Variants in TDRD12 observed in about 807,000 individuals in gnomAD.
The protein encoded by TDRD12 is tudor domain containing 12.
Under a neutral mutation model 133.5 loss-of-function variants are expected in TDRD12, and 158 were observed. That is an observed-to-expected ratio of 1.18 (90% CI 1.04 to 1.35). TDRD12 has a LOEUF of 1.35. Ranked by LOEUF, TDRD12 falls within the 40% of genes most tolerant of loss-of-function variation. The probability of loss-of-function intolerance (pLI) is 0.00; values close to 1 mark genes in which losing one functional copy is unlikely to be tolerated. For missense variants in TDRD12, 1,443 were observed against 1,321.3 expected (o/e 1.09, Z -1.43); for synonymous variants, 460 against 477.9 (o/e 0.96, Z 0.49).
chr19:32,807,267 T>TAAAAA lies in TDRD12; in HGVS notation c.2553-257_2553-253dup, dbSNP rs59421213. On this transcript the variant is annotated intron_variant, in intron 21 of 27. Transcript: ENST00000444215. ...GGGCAACAGAGTGAGACCAAACTCTTAAAAAAAAAAAAAAAAAAAAAAAAA... is the reference window on the plus strand; with the variant it reads ...GGGCAACAGAGTGAGACCAAACTCTTAAAAAAAAAAAAAAAAAAAAAAAAAAAAAA... 6.3e-3 allele frequency among the ~76,000 whole-genome samples: 295 copies of TAAAAA among 47,144 alleles called. 17 individuals carry two copies. The highest frequency in any genetic ancestry group is 0.014 in the African/African-American group (114 of 7,958). 30.9% of individuals were successfully genotyped at this position (47,144 alleles called of 152,430 possible). A position where few individuals can be genotyped will look rare whatever the true frequency, so the allele number is the denominator to read the frequency against.
At chr19:32,788,658 T>C (rs1195907280) in intron 11 of TDRD12, among the ~76,000 whole-genome samples, 3 of 152,110 alleles carry the variant, frequency 2.0e-5, no homozygotes, top group Admixed American at 1.3e-4. Flanking sequence ...GCAGGGTGCA[T>C]TACTCGGTTT....
intron 27 of TDRD12, 103 bp from the exon 28 acceptor site, chr19:32,820,930 C>T (rs932912537): frequency 2.2e-6 from 2 of 890,402 alleles, no homozygotes; most frequent in Non-Finnish European, 1.7e-6. Context: ...GGGTCTGACT[C>T]CACGGCCACA....
At chr19:32,733,569 A>C (rs752031313) in intron 2 of TDRD12, among the ~76,000 whole-genome samples, 1 of 152,114 alleles carries the variant, frequency 6.6e-6, no homozygotes, top group Non-Finnish European at 1.5e-5. Flanking sequence ...GAATAGGTGT[A>C]CTGTGAACTT....
intron 6 of TDRD12, among the ~76,000 whole-genome samples, chr19:32,753,362 T>TA (rs1357551709): frequency 2.6e-5 from 4 of 152,166 alleles, no homozygotes; most frequent in African/African-American, 9.7e-5. Context: ...CCCTCTCCTT[T>TA]CCTTATTTAT....
Position 32,761,130 on chromosome 19 carries a change from T to C in TDRD12, c.865+4000T>C, listed in dbSNP as rs10415149. On this transcript the variant is annotated intron_variant, in intron 8 of 27. Transcript: ENST00000444215. ...CGTTTCTTGTTTTTGTTTTGTTTAG[T>C]TTTTGAGACGGAGTCTCACTCTGTC... Among the ~76,000 whole-genome samples the C allele has an allele frequency of 5.1e-3, 776 of 152,272 alleles. 9 individuals are homozygous for C. The highest frequency in any genetic ancestry group is 0.018 in the African/African-American group (730 of 41,562).
chr19:32,742,754 T>G, intron 3 of TDRD12, 27 bp from the exon 4 acceptor site: 1 of 1,547,736 alleles, frequency 6.5e-7, no homozygotes, highest in East Asian at 2.4e-5. Context: ...TTCTATATAA[T>G]GGAGCTGTTT....
intron 6 of TDRD12, among the ~76,000 whole-genome samples, chr19:32,752,923 G>A (rs2145530790): frequency 6.6e-6 from 1 of 151,648 alleles, no homozygotes; most frequent in South Asian, 2.1e-4. Context: ...CTCCCGAGTA[G>A]CTGGGACTAC....
At chr19:32,794,233 G>A (rs1971156717) in intron 13 of TDRD12, among the ~76,000 whole-genome samples, 1 of 150,712 alleles carries the variant, frequency 6.6e-6, no homozygotes, top group Non-Finnish European at 1.5e-5. Flanking sequence ...AGCCTCCAGA[G>A]TAGCTGGGAT....
At position 32,732,941 on chromosome 19, in the gene TDRD12, G is replaced by A. The variant is rs1358355973; in HGVS notation, c.183+1058G>A. On this transcript the variant is annotated intron_variant, in intron 2 of 27. Transcript: ENST00000444215. ...TAATCCCAGCACTTTGGGAGGCCAA[G>A]GAAAGAAGATTGCTTGAGCCTAGGA... Among the ~76,000 whole-genome samples the A allele has an allele frequency of 7.2e-4, 110 of 152,318 alleles. 1 individual carries two copies. Among genetic ancestry groups the A allele is most frequent in the Non-Finnish European group, 7.3e-5 (5 of 68,030 alleles).
exon 7 of TDRD12, chr19:32,756,088 A>T (rs200321834): frequency 3.6e-5 from 54 of 1,482,764 alleles, no homozygotes; most frequent in Non-Finnish European, 4.7e-5. Context: ...ACCAAGATTG[A>T]ATATAAAATC....
At chr19:32,792,565 TAGG>T (rs1407310608) in intron 13 of TDRD12, among the ~76,000 whole-genome samples, 1 of 151,802 alleles carries the variant, frequency 6.6e-6, no homozygotes, top group Non-Finnish European at 1.5e-5. Flanking sequence ...GAGACGGAAA[TAGG>T]AGGAAAAATT....
At chr19:32,732,940 A>G (rs1969103887) in intron 2 of TDRD12, among the ~76,000 whole-genome samples, 1 of 152,178 alleles carries the variant, frequency 6.6e-6, no homozygotes, top group South Asian at 2.1e-4. Context: ...TGGGAGGCCA[A>G]GGAAAGAAGA....
chr19:32,744,755 GA>G (rs1440752343), intron 4 of TDRD12, among the ~76,000 whole-genome samples: 1 of 152,018 alleles, frequency 6.6e-6, no homozygotes, highest in Admixed American at 6.6e-5. Flanking sequence ...GTGGTCTGTA[GA>G]GACATCAGCC....
chr19:32,815,379 G>T (rs1967142349), intron 25 of TDRD12, 69 bp from the exon 26 acceptor site: 2 of 1,326,848 alleles, frequency 1.5e-6, no homozygotes, highest in Non-Finnish European at 2.0e-6. Flanking sequence ...AGGCCCTGTG[G>T]GAATGTCTAT....
chr19:32,734,958 G>GATAGTGAATTTTATCA (rs1280850812), intron 2 of TDRD12, among the ~76,000 whole-genome samples: 1 of 152,184 alleles, frequency 6.6e-6, no homozygotes, highest in Non-Finnish European at 1.5e-5. Context: ...ACCCATGTAA[G>GATAGTGAATTTTATCA]ATAGTGAATT....
In TDRD12 at chr19:32,766,138, G is replaced by A. The variant is rs181957787; in HGVS notation, c.866-6615G>A. On this transcript the variant is annotated intron_variant, in intron 8 of 27. Coordinates refer to ENST00000444215, the Ensembl canonical transcript of TDRD12. Reference sequence around the variant, plus strand: ...ATTTGAAGGGGAGTTCTTGTAGGGAGCATATAGTTGTGTCCAATCTGTCAA... The same window carrying A: ...ATTTGAAGGGGAGTTCTTGTAGGGAACATATAGTTGTGTCCAATCTGTCAA... Among the ~76,000 whole-genome samples, 455 of 152,248 alleles carry A rather than the reference G, an allele frequency of 3.0e-3. 3 individuals are homozygous for A. Among genetic ancestry groups the A allele is most frequent in the South Asian group, 0.02 (98 of 4,822 alleles).
rs1004516790 is a variant in TDRD12, at chr19:32,732,007, G to A, written c.183+124G>A. On this transcript the variant is annotated intron_variant, in intron 2 of 27. Transcript: ENST00000444215. ...TAGTTTCTTACACTCAGTGCCTTGT[G>A]TTAGGTTTTTTTTTGAGATGGAGTC... 8.9e-6 allele frequency: 9 copies of A among 1,007,900 alleles called. No individual in the cohort carries two copies. The African/African-American group carries it at 1.3e-4, about 15-fold the overall frequency. The allele number at this position is 1,007,900 out of a possible 1,614,324, so 62.4% of individuals were successfully genotyped here.
chr19:32,721,493 C>A (rs1478853489), intron 1 of TDRD12, among the ~76,000 whole-genome samples: 1 of 151,914 alleles, frequency 6.6e-6, no homozygotes, highest in Non-Finnish European at 1.5e-5. Flanking sequence ...TCAAGTGATT[C>A]TCCTGCCTCA....
At chr19:32,725,624 A>G (rs1464671282) in intron 1 of TDRD12, among the ~76,000 whole-genome samples, 7 of 152,086 alleles carry the variant, frequency 4.6e-5, no homozygotes, top group African/African-American at 1.7e-4. Flanking sequence ...GTAGCCTTGT[A>G]GTATAGTTTG....
Sources: allele counts gnomAD v4.1 joint callset (sites outside exome capture counted in the v4.1 genomes callset), GRCh38; gene constraint gnomAD v4.1.1; transcripts MANE v1.5; gene names NCBI Gene and HGNC (gene_info 2026-07-23, HGNC 2026-07-21).